The following LIPC variants were observed in gnomAD, a reference collection of about 807,000 sequenced individuals.
LIPC encodes lipase C, hepatic type, also known as hepatic triacylglycerol lipase.
In LIPC, 44 loss-of-function variants were observed where a neutral mutation model predicts 50.7. The ratio of observed to expected loss-of-function variants is 0.87; its 90% CI spans 0.68 to 1.11. LIPC has a LOEUF of 1.11. Among genes scored for constraint, LIPC ranks in the 50% most tolerant of loss-of-function variants. LIPC has a pLI of 0.00. For missense variants in LIPC, 697 were observed against 648.2 expected (o/e 1.08, Z -0.82); for synonymous variants, 271 against 256.4 (o/e 1.06, Z -0.54).
chr15:58,556,295 C>T (rs773570382), intron 6 of LIPC, among the ~76,000 whole-genome samples: 5 of 152,132 alleles, frequency 3.3e-5, no homozygotes, highest in Admixed American at 1.3e-4. Context: ...GAGATACAAG[C>T]AGTAGTGTGG....
rs549328728 is a variant in LIPC at position 58,524,653 on chromosome 15, T to G, written c.89-13680T>G. Reference sequence around the variant, plus strand: ...TATATTTACTTTGTATTTTTCATCTTAGGAGTGAGGTTGAGGATCTTTTCA... The same window carrying G: ...TATATTTACTTTGTATTTTTCATCTGAGGAGTGAGGTTGAGGATCTTTTCA... On this transcript the variant is annotated intron_variant, in intron 1 of 8. Coordinates refer to ENST00000299022, the MANE Select transcript of LIPC (RefSeq NM_000236.3). Among the ~76,000 whole-genome samples the G allele has an allele frequency of 4.9e-4, 74 of 152,306 alleles. 1 individual carries two copies. The highest frequency in any genetic ancestry group is 1.2e-3 in the East Asian group (6 of 5,180).
intron 1 of LIPC, among the ~76,000 whole-genome samples, chr15:58,494,422 G>C (rs572825633): frequency 1.3e-5 from 2 of 152,342 alleles, no homozygotes; most frequent in South Asian, 4.1e-4. Context: ...TGCAGCCATA[G>C]ATCCTTGGGC....
intron 1 of LIPC, among the ~76,000 whole-genome samples, chr15:58,454,084 T>C (rs1894018091): frequency 6.6e-6 from 1 of 152,170 alleles, no homozygotes; most frequent in African/African-American, 2.4e-5. Context: ...AGGTCACACA[T>C]GCAGAGGTGA....
chr15:58,488,984 CT>C lies in LIPC; in HGVS notation c.89-49348del, dbSNP rs538396381. Among the ~76,000 whole-genome samples the C allele has an allele frequency of 1.2e-3, 176 of 152,206 alleles. 2 individuals carry two copies. Among genetic ancestry groups the C allele is most frequent in the African/African-American group, 4.0e-3 (168 of 41,498 alleles). ...TGGTCCTGATGGCTACTTAATAAAG[CT>C]GTCTGTGAGCCAAATGAGAGTGTGC... is the stretch of plus-strand genomic sequence containing the variant. On this transcript the variant is annotated intron_variant, in intron 1 of 8. Transcript: ENST00000299022.
chr15:58,477,819 G>A (rs529866102), intron 1 of LIPC, among the ~76,000 whole-genome samples: 9 of 152,168 alleles, frequency 5.9e-5, no homozygotes, highest in Admixed American at 2.0e-4. Context: ...CTCAATAGAT[G>A]GATTTTTACC....
chr15:58,533,949 A>AAAAG (rs1307171194), intron 1 of LIPC, among the ~76,000 whole-genome samples: 1 of 152,018 alleles, frequency 6.6e-6, no homozygotes, highest in Admixed American at 6.6e-5. Context: ...TTTGAAGGGG[A>AAAAG]AAAAAAAGGC....
intron 4 of LIPC, among the ~76,000 whole-genome samples, chr15:58,543,529 C>T (rs983366541): frequency 3.9e-5 from 6 of 152,344 alleles, no homozygotes; most frequent in South Asian, 4.1e-4. Flanking sequence ...CAAACTCCTC[C>T]TCATCCTTCA....
intron 1 of LIPC, among the ~76,000 whole-genome samples, chr15:58,484,678 G>A (rs1891306259): frequency 6.6e-6 from 1 of 152,198 alleles, no homozygotes; most frequent in African/African-American, 2.4e-5. Flanking sequence ...ATGGGCCCTG[G>A]AGCCCACACA....
At chr15:58,447,392 C>A (rs1893735253) in intron 1 of LIPC, among the ~76,000 whole-genome samples, 1 of 152,134 alleles carries the variant, frequency 6.6e-6, no homozygotes, top group African/African-American at 2.4e-5. Context: ...CTCCAGACCA[C>A]AAGTCTTCTC....
At chr15:58,469,109 T>TGTGTGTGA in intron 1 of LIPC, among the ~76,000 whole-genome samples, 1 of 134,796 alleles carries the variant, frequency 7.4e-6, no homozygotes, top group African/African-American at 3.3e-5. Context: ...ATTTTGTGTG[T>TGTGTGTGA]GTGTGTGTGT....
At chr15:58,533,146 C>G in intron 1 of LIPC, 1 of 984,832 alleles carries the variant, frequency 1.0e-6, no homozygotes, top group Non-Finnish European at 1.2e-6. Context: ...ACTGGTGTGA[C>G]TACCTCTTCT....
intron 2 of LIPC, among the ~76,000 whole-genome samples, chr15:58,539,650 C>T (rs1209649846): frequency 6.6e-6 from 1 of 152,124 alleles, no homozygotes; most frequent in Non-Finnish European, 1.5e-5. Flanking sequence ...CCCCATCTAT[C>T]CTATCCTGGA....
chr15:58,465,400 T>C (rs200915865), intron 1 of LIPC, among the ~76,000 whole-genome samples: 3 of 152,194 alleles, frequency 2.0e-5, no homozygotes, highest in East Asian at 1.9e-4. Context: ...CTGAAGGTTT[T>C]TCAAATTCAC....
At chr15:58,546,002 C>T in intron 5 of LIPC, 27 bp downstream of exon 5, 1 of 1,528,594 alleles carries the variant, frequency 6.5e-7, no homozygotes, top group Non-Finnish European at 9.1e-7. Flanking sequence ...GGGCCGGGAG[C>T]ACCGGCCTAC....
chr15:58,443,941 T>C (rs1422910288), intron 1 of LIPC, among the ~76,000 whole-genome samples: 5 of 152,144 alleles, frequency 3.3e-5, no homozygotes, highest in Admixed American at 2.0e-4. Context: ...ACAAAGTACA[T>C]TGATCAGTTA....
At chr15:58,554,092 C>CA (rs1893853239) in intron 6 of LIPC, among the ~76,000 whole-genome samples, 1 of 151,924 alleles carries the variant, frequency 6.6e-6, no homozygotes, top group Admixed American at 6.5e-5. Context: ...TTCTGGGAGG[C>CA]AAAAAATAGA....
rs2242062 is a variant in LIPC at position 58,542,192 on chromosome 15, A to G, written c.456+225A>G. 0.17 allele frequency among the ~76,000 whole-genome samples: 26,037 copies of G among 151,924 alleles called. 2,621 individuals are homozygous for G. Among genetic ancestry groups the G allele is most frequent in the East Asian group, 0.41 (2,117 of 5,142 alleles). On this transcript the variant is annotated intron_variant, in intron 3 of 8. Transcript: ENST00000299022. ...ACCACCTTCTCCCCTCTCCTCATCC[A>G]CTATTCCTCTTATGCTCACCCCCTT... is the stretch of plus-strand genomic sequence containing the variant.
chr15:58,566,183 AG>A, intron 8 of LIPC: 1 of 985,404 alleles, frequency 1.0e-6, no homozygotes, highest in Non-Finnish European at 1.2e-6. Context: ...GAATAGTGAG[AG>A]TCCAGCATTA....
chr15:58,454,542 A>G (rs1894039053), intron 1 of LIPC: 1 of 152,214 alleles, frequency 6.6e-6, no homozygotes, highest in African/African-American at 2.4e-5. Flanking sequence ...TGCCTTCTGG[A>G]TGGCTCTGTC....
Sources: gnomAD v4.1 joint callset for allele counts (sites outside exome capture counted in the v4.1 genomes callset) on GRCh38, gnomAD v4.1.1 for gene constraint, MANE v1.5 for transcripts, NCBI Gene and HGNC (gene_info 2026-07-23, HGNC 2026-07-21) for gene names.